The following ARHGAP15 variants were observed in gnomAD, a reference collection of about 807,000 sequenced individuals.
ARHGAP15 encodes the protein rho GTPase-activating protein 15.
A neutral mutation model predicts 63.7 loss-of-function variants in ARHGAP15; 51 were observed. The observed-to-expected ratio is 0.80, with a 90% CI of 0.64 to 1.01. The LOEUF (loss-of-function observed/expected upper bound fraction) is 1.01. Among genes scored for constraint, ARHGAP15 ranks in the 50% least tolerant of loss-of-function variants. The pLI, the probability that ARHGAP15 is intolerant of heterozygous loss-of-function variation, is 0.00. For missense variants in ARHGAP15, 560 were observed against 564.6 expected, an observed-to-expected ratio of 0.99 and a Z score of 0.08; for synonymous variants, 191 against 193.8, an observed-to-expected ratio of 0.99 and a Z score of 0.12.
At chr2:143,500,885 G>A (rs1409857878) in intron 9 of ARHGAP15, among the ~76,000 whole-genome samples, 1 of 152,148 alleles carries the variant, frequency 6.6e-6, no homozygotes, top group Non-Finnish European at 1.5e-5. Flanking sequence ...CTCCAATTTT[G>A]TAATGATTTT....
chr2:143,748,157 C>T (rs1196784293), intron 13 of ARHGAP15, among the ~76,000 whole-genome samples: 2 of 152,242 alleles, frequency 1.3e-5, no homozygotes, highest in Non-Finnish European at 2.9e-5. Flanking sequence ...TTCTCTGCAA[C>T]TACAACACTA....
chr2:143,494,747 T>C (rs1053677156), intron 9 of ARHGAP15, among the ~76,000 whole-genome samples: 3 of 152,178 alleles, frequency 2.0e-5, no homozygotes, highest in Non-Finnish European at 4.4e-5. Flanking sequence ...AAAACATGGG[T>C]AGACCTGGCC....
chr2:143,315,154 T>C (rs545239813), intron 6 of ARHGAP15, among the ~76,000 whole-genome samples: 1 of 152,164 alleles, frequency 6.6e-6, no homozygotes, highest in Non-Finnish European at 1.5e-5. Context: ...TCTAAGCAAG[T>C]AGAATTTTAA....
At chr2:143,547,130 T>C (rs920940241) in intron 10 of ARHGAP15, among the ~76,000 whole-genome samples, 2 of 152,168 alleles carry the variant, frequency 1.3e-5, no homozygotes, top group African/African-American at 4.8e-5. Context: ...AAGGCTGGCA[T>C]ATATCTGTAA....
Position 143,624,208 on chromosome 2 carries a change from G to C in ARHGAP15, c.1079G>C (p.Arg360Pro). 1 of 1,613,470 alleles carries C rather than the reference G, an allele frequency of 6.2e-7. No homozygotes were observed. Among genetic ancestry groups the C allele is most frequent in the Non-Finnish European group, 8.5e-7 (1 of 1,179,708 alleles). Residue 360 changes from arginine (R) to proline (P), a missense_variant, in exon 12 of 14, where the codon CGG (arginine) becomes CCG (proline). Transcript: ENST00000295095. ...VVTGALKMFF[R>P]ELPEPLFPYS... Reference sequence around the variant, plus strand: ...ACCGGAGCACTGAAGATGTTTTTCCGGGAGCTGCCTGAGCCGCTCTTCCCT... The same window carrying C: ...ACCGGAGCACTGAAGATGTTTTTCCCGGAGCTGCCTGAGCCGCTCTTCCCT...
intron 6 of ARHGAP15, among the ~76,000 whole-genome samples, chr2:143,312,203 T>A (rs965227021): frequency 5.9e-5 from 9 of 152,168 alleles, no homozygotes; most frequent in African/African-American, 2.2e-4. Context: ...GATTTATCTT[T>A]CTATAATGGC....
At chr2:143,366,229 C>T (rs1686286277) in intron 6 of ARHGAP15, among the ~76,000 whole-genome samples, 1 of 152,036 alleles carries the variant, frequency 6.6e-6, no homozygotes, top group Non-Finnish European at 1.5e-5. Flanking sequence ...GTAACAGATC[C>T]TGTATCTACA....
chr2:143,512,988 C>T (rs1011019975), intron 9 of ARHGAP15, among the ~76,000 whole-genome samples: 7 of 152,218 alleles, frequency 4.6e-5, no homozygotes, highest in African/African-American at 1.7e-4. Flanking sequence ...GTAGAAGAAG[C>T]GTTGCTTTGT....
chr2:143,258,085 A>C (rs574060102), intron 6 of ARHGAP15, among the ~76,000 whole-genome samples: 1 of 152,128 alleles, frequency 6.6e-6, no homozygotes, highest in Non-Finnish European at 1.5e-5. Flanking sequence ...AGATGGGGCC[A>C]GTAAATGGTA....
chr2:143,351,931 C>A (rs1685592425), intron 6 of ARHGAP15, among the ~76,000 whole-genome samples: 1 of 152,112 alleles, frequency 6.6e-6, no homozygotes, highest in African/African-American at 2.4e-5. Flanking sequence ...ATAAAAGGAT[C>A]AGTTCACTAT....
intron 13 of ARHGAP15, among the ~76,000 whole-genome samples, chr2:143,749,329 T>A (rs1686283914): frequency 6.6e-6 from 1 of 152,150 alleles, no homozygotes. Context: ...AAGTATGAAA[T>A]TGTTTCCAGG....
intron 2 of ARHGAP15, among the ~76,000 whole-genome samples, chr2:143,198,530 C>T (rs1201927138): frequency 1.3e-5 from 2 of 151,984 alleles, no homozygotes; most frequent in African/African-American, 4.8e-5. Flanking sequence ...TGGTGTGATA[C>T]ATTTTTCTAT....
chr2:143,240,416 A>T (rs1299473149), intron 5 of ARHGAP15, among the ~76,000 whole-genome samples: 2 of 152,194 alleles, frequency 1.3e-5, no homozygotes, highest in Non-Finnish European at 2.9e-5. Context: ...TGAATTATTG[A>T]GTATTCCGTG....
chr2:143,673,643 A>G (rs950305856), intron 12 of ARHGAP15, among the ~76,000 whole-genome samples: 1 of 149,674 alleles, frequency 6.7e-6, no homozygotes, highest in Non-Finnish European at 1.5e-5. Flanking sequence ...TTACAAAGTC[A>G]CCATTAAAAA....
At chr2:143,353,413 T>C (rs972907959) in intron 6 of ARHGAP15, among the ~76,000 whole-genome samples, 3 of 152,212 alleles carry the variant, frequency 2.0e-5, no homozygotes, top group African/African-American at 7.2e-5. Context: ...AGTGGGAAAA[T>C]GCAACTGTAT....
chr2:143,569,548 A>C (rs1696371770), intron 11 of ARHGAP15, among the ~76,000 whole-genome samples: 1 of 152,154 alleles, frequency 6.6e-6, no homozygotes, highest in Non-Finnish European at 1.5e-5. Context: ...CTGGGGAATG[A>C]GGGCTTCTGT....
intron 8 of ARHGAP15, among the ~76,000 whole-genome samples, chr2:143,446,783 C>A (rs554711175): frequency 7.8e-6 from 1 of 128,050 alleles, no homozygotes; most frequent in East Asian, 2.7e-4. Flanking sequence ...CCCCCCTCCC[C>A]CCACCCCACA....
intron 5 of ARHGAP15, among the ~76,000 whole-genome samples, chr2:143,247,792 A>G (rs1694100171): frequency 6.6e-6 from 1 of 152,154 alleles, no homozygotes; most frequent in African/African-American, 2.4e-5. Flanking sequence ...TTTAATCCAA[A>G]TATGAGTCCT....
intron 12 of ARHGAP15, among the ~76,000 whole-genome samples, chr2:143,645,201 T>C (rs1288506038): frequency 6.6e-6 from 1 of 152,098 alleles, no homozygotes; most frequent in Non-Finnish European, 1.5e-5. Context: ...AAGATATCTT[T>C]AAAGTAAAAT....
Sources: gnomAD v4.1 joint callset for allele counts (sites outside exome capture counted in the v4.1 genomes callset) on GRCh38, gnomAD v4.1.1 for gene constraint, MANE v1.5 for transcripts, NCBI Gene and HGNC (gene_info 2026-07-23, HGNC 2026-07-21) for gene names.